Variants in RASA3 observed in about 807,000 individuals in gnomAD.
RASA3 encodes ras GTPase-activating protein 3.
In RASA3, 73 loss-of-function variants were observed where a neutral mutation model predicts 110.0. The ratio of observed to expected loss-of-function variants is 0.66; its 90% confidence interval spans 0.55 to 0.81. RASA3 has a LOEUF of 0.81. Among genes scored for constraint, RASA3 ranks in the 30% least tolerant of loss-of-function variants. RASA3 has a pLI of 0.00. For missense variants in RASA3, 976 were observed against 1,113.2 expected (o/e 0.88, Z 1.75); for synonymous variants, 500 against 451.4 (o/e 1.11, Z -1.37).
intron 1 of RASA3, among the ~76,000 whole-genome samples, chr13:114,107,976 G>A (rs117803796): frequency 0.014 from 2,089 of 152,128 alleles, 128 homozygotes; most frequent in Admixed American, 0.098. Flanking sequence ...CTTCCTCGCC[G>A]GCATGGTGGG....
intron 3 of RASA3, among the ~76,000 whole-genome samples, chr13:114,042,102 G>C (rs764638723): frequency 2.6e-5 from 4 of 152,208 alleles, no homozygotes; most frequent in East Asian, 3.8e-4. Context: ...GTGTAAATTC[G>C]CATCTGCAAC....
chr13:113,982,298 C>T (rs1363995904), intron 22 of RASA3, among the ~76,000 whole-genome samples: 4 of 152,198 alleles, frequency 2.6e-5, no homozygotes, highest in East Asian at 1.9e-4. Context: ...GGAGTGAGCA[C>T]GATGGGGTTC....
At chr13:114,090,529 C>T (rs181303278) in intron 1 of RASA3, among the ~76,000 whole-genome samples, 6 of 152,350 alleles carry the variant, frequency 3.9e-5, no homozygotes, top group Non-Finnish European at 7.3e-5. Flanking sequence ...CTTTGGGTCT[C>T]CTGTCCCAGG....
At chr13:113,981,590 C>A (rs909410212) in intron 23 of RASA3, 85 bp downstream of exon 23, 8 of 1,488,462 alleles carry the variant, frequency 5.4e-6, no homozygotes, top group Non-Finnish European at 2.8e-6. Flanking sequence ...CGGCCCCACC[C>A]GGGAGCTCCC....
In RASA3 at chr13:113,994,507, C is replaced by T. The variant is rs532727127; in HGVS notation, c.2142-1919G>A. On this transcript the variant is annotated intron_variant, in intron 21 of 23. Transcript: ENST00000334062. Reference sequence around the variant, plus strand: ...GAAGATGAAGTGACCAACATTAAAACACATCCCTGGCCAGTCAGGGAGTTC... The same window carrying T: ...GAAGATGAAGTGACCAACATTAAAATACATCCCTGGCCAGTCAGGGAGTTC... 3.9e-5 allele frequency among the ~76,000 whole-genome samples: 6 copies of T among 152,272 alleles called. No homozygotes were observed. In the South Asian group the frequency reaches 1.2e-3, roughly 32 times the overall value.
intron 11 of RASA3, 102 bp from the exon 12 acceptor site, chr13:114,017,453 G>C: frequency 1.1e-6 from 1 of 913,036 alleles, no homozygotes; most frequent in Non-Finnish European, 1.8e-6. Flanking sequence ...TGTGAGGTCA[G>C]TGCACGCCCA....
intron 1 of RASA3, among the ~76,000 whole-genome samples, chr13:114,118,895 C>T (rs559904113): frequency 6.6e-6 from 1 of 152,352 alleles, no homozygotes; most frequent in Admixed American, 6.5e-5. Flanking sequence ...GTGTGGGCAG[C>T]GACAGGGGTG....
chr13:114,070,097 C>T (rs1168371972), intron 2 of RASA3, among the ~76,000 whole-genome samples: 2 of 42,458 alleles, frequency 4.7e-5, no homozygotes, highest in Non-Finnish European at 8.6e-5. Flanking sequence ...TTGGGGGGAC[C>T]GGGAAACTGG....
intron 1 of RASA3, among the ~76,000 whole-genome samples, chr13:114,082,488 TGCTCCGAG>T (rs1313386830): frequency 6.6e-6 from 1 of 152,234 alleles, no homozygotes. Context: ...AACCTCCCTG[TGCTCCGAG>T]GCTCCGAGGC....
Position 114,056,065 on chromosome 13 carries a change from G to A in RASA3, c.174-3910C>T, listed in dbSNP as rs575628656. On this transcript the variant is annotated intron_variant, in intron 2 of 23. Transcript: ENST00000334062. The surrounding 1 kb of genome is among the most constrained non-coding windows in gnomAD (Gnocchi z 5.7). ...GCAACCCAGGCCTCGGGGTTCACCT[G>A]GCGCGTCACCGTTTCCCGAGAGCCC... is the stretch of plus-strand genomic sequence containing the variant. 1.4e-3 allele frequency among the ~76,000 whole-genome samples: 209 copies of A among 152,304 alleles called. No individual in the cohort carries two copies. Among genetic ancestry groups the A allele is most frequent in the African/African-American group, 4.8e-3 (199 of 41,572 alleles).
intron 8 of RASA3, among the ~76,000 whole-genome samples, chr13:114,024,003 G>A (rs950661238): frequency 6.6e-6 from 1 of 152,212 alleles, no homozygotes; most frequent in Non-Finnish European, 1.5e-5. Context: ...CCTTAAGAAC[G>A]GCTGCAGCCC....
intron 1 of RASA3, among the ~76,000 whole-genome samples, chr13:114,101,497 T>C (rs1274336727): frequency 6.6e-6 from 1 of 152,150 alleles, no homozygotes. Context: ...CACCACCCCA[T>C]GGACAATCCG....
At chr13:114,003,358 C>T (rs1410459033) in intron 18 of RASA3, among the ~76,000 whole-genome samples, 1 of 152,146 alleles carries the variant, frequency 6.6e-6, no homozygotes, top group Non-Finnish European at 1.5e-5. Flanking sequence ...TGTCCTTGAA[C>T]CTGTATCTAC....
Position 114,021,439 on chromosome 13 carries a change from C to G in RASA3, c.750G>C (p.Leu250Phe). 6.2e-7 allele frequency: 1 copy of G among 1,614,036 alleles called. No individual in the cohort carries two copies. Among genetic ancestry groups the G allele is most frequent in the Non-Finnish European group, 8.5e-7 (1 of 1,180,024 alleles). The change falls in exon 9 of 24, where the codon TTG (leucine) becomes TTC (phenylalanine). Residue 250 changes from leucine (L) to phenylalanine (F), a missense_variant. Physicochemically the swap from Leu to Phe is conservative, Grantham distance 22 (BLOSUM62 0). Around this residue, in one of 4 missense-constraint regions of RASA3, gnomAD observed 732 missense variants for 779.7 expected, o/e 0.94. Transcript: ENST00000334062. ...DEFLGELRIP[L>F]KVLRQSSSYE... ...AGGAGCTGGACTGCCGCAGGACTTT[C>G]AACGGGATCCTTAGTTCTCCCAGGA...
At chr13:114,075,833 TCGGCGCCGCG>T (rs2079667577) in intron 1 of RASA3, among the ~76,000 whole-genome samples, 1 of 75,476 alleles carries the variant, frequency 1.3e-5, no homozygotes, top group Non-Finnish European at 2.4e-5. Flanking sequence ...GCCTCCCGTG[TCGGCGCCGCG>T]TATCTCTACG....
At chr13:114,082,749 C>G (rs1332934701) in intron 1 of RASA3, among the ~76,000 whole-genome samples, 2 of 152,186 alleles carry the variant, frequency 1.3e-5, no homozygotes, top group African/African-American at 4.8e-5. Flanking sequence ...GGGGCTGCAC[C>G]CCCAGGTGGG....
At chr13:114,010,353 G>A (rs375887099) in intron 16 of RASA3, among the ~76,000 whole-genome samples, 8 of 151,882 alleles carry the variant, frequency 5.3e-5, no homozygotes, top group East Asian at 2.0e-4. Flanking sequence ...CGAAGGCATC[G>A]AACTGCCCTG....
At chr13:114,036,906 G>A (rs1475254674) in intron 4 of RASA3, among the ~76,000 whole-genome samples, 1 of 152,214 alleles carries the variant, frequency 6.6e-6, no homozygotes, top group Non-Finnish European at 1.5e-5. Flanking sequence ...TACGTTTTGG[G>A]CGGCGTTGGG....
chr13:114,004,410 G>A (rs1156624188), intron 18 of RASA3, among the ~76,000 whole-genome samples: 1 of 152,002 alleles, frequency 6.6e-6, no homozygotes, highest in African/African-American at 2.4e-5. Context: ...AGTGGCCAAA[G>A]GACAGGGGGA....
Sources: allele counts gnomAD v4.1 joint callset (sites outside exome capture counted in the v4.1 genomes callset), GRCh38; gene constraint gnomAD v4.1.1; regional missense constraint gnomAD v4.1.1; non-coding constraint Gnocchi (gnomAD v3.1); transcripts MANE v1.5; gene names NCBI Gene and HGNC (gene_info 2026-07-23, HGNC 2026-07-21).